The following SOX5 variants were observed in gnomAD, a reference collection of about 807,000 sequenced individuals.
SOX5 encodes the protein SRY-box transcription factor 5, also known as transcription factor SOX-5.
A neutral mutation model predicts 92.0 loss-of-function variants in SOX5; 9 were observed. The observed-to-expected ratio is 0.10, with a 90% CI of 0.06 to 0.17. The LOEUF (loss-of-function observed/expected upper bound fraction) is 0.17. SOX5 is among the 10% of genes least tolerant of loss of function. The pLI is 1.00. For missense variants in SOX5, 642 were observed against 944.5 expected, an observed-to-expected ratio of 0.68 and a Z score of 4.20; for synonymous variants, 344 against 336.3, an observed-to-expected ratio of 1.02 and a Z score of -0.25.
intron 4 of SOX5, among the ~76,000 whole-genome samples, chr12:24,159,882 T>A (rs776579749): frequency 3.9e-5 from 6 of 152,010 alleles, no homozygotes; most frequent in Non-Finnish European, 5.9e-5. Flanking sequence ...AAGTATATTC[T>A]CCCCAGTGTT....
At chr12:24,441,764 T>A (rs1312073773) in intron 1 of SOX5, among the ~76,000 whole-genome samples, 2 of 152,218 alleles carry the variant, frequency 1.3e-5, no homozygotes, top group African/African-American at 4.8e-5. Flanking sequence ...TATGCATTGT[T>A]AACTTTTTTT....
intron 4 of SOX5, among the ~76,000 whole-genome samples, chr12:23,996,683 A>G (rs934793608): frequency 6.6e-6 from 1 of 152,250 alleles, no homozygotes; most frequent in Non-Finnish European, 1.5e-5. Context: ...CCAAAGCACT[A>G]TGCTAAGTGA....
intron 3 of SOX5, among the ~76,000 whole-genome samples, chr12:23,828,618 C>T (rs1009253055): frequency 6.6e-6 from 1 of 152,040 alleles, no homozygotes; most frequent in Non-Finnish European, 1.5e-5. Flanking sequence ...AGCCCAGAAA[C>T]AATCACAGTA....
At chr12:23,832,765 G>A (rs1407847427) in intron 3 of SOX5, among the ~76,000 whole-genome samples, 29 of 150,004 alleles carry the variant, frequency 1.9e-4, no homozygotes, top group Non-Finnish European at 2.4e-4. Flanking sequence ...TTTTTACAAC[G>A]TAAATTACAA....
chr12:23,564,420 C>T (rs778207429), intron 10 of SOX5, among the ~76,000 whole-genome samples: 10 of 152,074 alleles, frequency 6.6e-5, no homozygotes, highest in Non-Finnish European at 1.2e-4. Flanking sequence ...ATCTGTAATA[C>T]GAAACTGCCC....
At chr12:24,099,694 C>A (rs1387132237) in intron 4 of SOX5, among the ~76,000 whole-genome samples, 1 of 152,100 alleles carries the variant, frequency 6.6e-6, no homozygotes, top group African/African-American at 2.4e-5. Context: ...GAGTTAACTA[C>A]ATTTCAAATC....
chr12:24,222,526 G>C (rs896025885), intron 3 of SOX5, among the ~76,000 whole-genome samples: 1 of 152,060 alleles, frequency 6.6e-6, no homozygotes, highest in South Asian at 2.1e-4. Flanking sequence ...ACTGAATGTG[G>C]GTGGAGCAGA....
chr12:23,890,351 C>G (rs1393400284), intron 2 of SOX5, among the ~76,000 whole-genome samples: 1 of 151,704 alleles, frequency 6.6e-6, no homozygotes, highest in Admixed American at 6.6e-5. Context: ...ACTGTTCACT[C>G]AACACACAAG....
chr12:24,383,834 G>A (rs565607254), intron 1 of SOX5, among the ~76,000 whole-genome samples: 2 of 152,234 alleles, frequency 1.3e-5, no homozygotes, highest in Admixed American at 1.3e-4. Flanking sequence ...ATTAGTTAGT[G>A]ATACGGTTTG....
intron 2 of SOX5, among the ~76,000 whole-genome samples, chr12:24,301,600 G>GAGATGAAT (rs1947955760): frequency 6.6e-6 from 1 of 152,172 alleles, no homozygotes; most frequent in Admixed American, 6.5e-5. Flanking sequence ...AAAGCAAAGG[G>GAGATGAAT]AGATGAATAT....
At chr12:23,944,852 G>C (rs1424683470) in intron 1 of SOX5, among the ~76,000 whole-genome samples, 1 of 152,142 alleles carries the variant, frequency 6.6e-6, no homozygotes, top group Non-Finnish European at 1.5e-5. Context: ...GCCATCATCT[G>C]AGTCAGAGAC....
intron 1 of SOX5, among the ~76,000 whole-genome samples, chr12:24,441,029 G>A (rs1940475297): frequency 6.6e-6 from 1 of 152,254 alleles, no homozygotes; most frequent in East Asian, 1.9e-4. Context: ...ATGCAAGTTG[G>A]GCAGGAATTC....
intron 4 of SOX5, among the ~76,000 whole-genome samples, chr12:24,009,047 G>C (rs1952627922): frequency 6.6e-6 from 1 of 152,166 alleles, no homozygotes; most frequent in Admixed American, 6.6e-5. Flanking sequence ...AGGCTGCAGG[G>C]AAAAGAAAAA....
intron 2 of SOX5, among the ~76,000 whole-genome samples, chr12:24,356,647 C>T (rs570928165): frequency 1.3e-5 from 2 of 152,204 alleles, no homozygotes; most frequent in South Asian, 4.2e-4. Flanking sequence ...ATGCACAGGC[C>T]TCTCAGTCTC....
intron 8 of SOX5, among the ~76,000 whole-genome samples, chr12:23,615,711 A>G (rs928326820): frequency 6.6e-6 from 1 of 152,140 alleles, no homozygotes; most frequent in Admixed American, 6.6e-5. Flanking sequence ...ATAGTATTCC[A>G]TGGTGTATAT....
chr12:23,856,331 A>T (rs2096689092), intron 2 of SOX5, among the ~76,000 whole-genome samples: 1 of 152,136 alleles, frequency 6.6e-6, no homozygotes, highest in Non-Finnish European at 1.5e-5. Context: ...CCTTTACATT[A>T]TTAGGCATTT....
At chr12:23,582,459 T>G (rs11046990) in intron 9 of SOX5, among the ~76,000 whole-genome samples, 11,598 of 152,222 alleles carry the variant, frequency 0.076, 606 homozygotes, top group South Asian at 0.14. Context: ...CTTCAAGGAA[T>G]TAATAATCCT....
intron 13 of SOX5, among the ~76,000 whole-genome samples, chr12:23,542,405 T>A (rs1942259187): frequency 6.6e-6 from 1 of 152,168 alleles, no homozygotes; most frequent in South Asian, 2.1e-4. Context: ...ACAGTGATAA[T>A]GATGTCAGAT....
At chr12:24,410,082 C>G (rs1283891718) in intron 1 of SOX5, among the ~76,000 whole-genome samples, 1 of 151,914 alleles carries the variant, frequency 6.6e-6, no homozygotes, top group Non-Finnish European at 1.5e-5. Context: ...ACTGCAGCCT[C>G]GACCTCCTAG....
Sources: allele counts gnomAD v4.1 joint callset (sites outside exome capture counted in the v4.1 genomes callset), GRCh38; gene constraint gnomAD v4.1.1; transcripts MANE v1.5; gene names NCBI Gene and HGNC (gene_info 2026-07-23, HGNC 2026-07-21).